PAPPA: variants seen among roughly 807,000 people sequenced by gnomAD.
PAPPA encodes pappalysin-1.
PAPPA carries 60 observed loss-of-function variants against 164.0 expected under a neutral mutation model. The observed-to-expected ratio is 0.37, with a 90% CI of 0.30 to 0.45. PAPPA has a LOEUF of 0.45. Among genes scored for constraint, PAPPA ranks in the 20% least tolerant of loss-of-function variants. PAPPA has a pLI of 1.00. For synonymous variants in PAPPA, 875 were observed against 814.1 expected (o/e 1.07, Z -1.27); for missense variants, 1,782 against 2,087.3 (o/e 0.85, Z 2.85).
chr9:116,271,239 T>C lies in PAPPA; in HGVS notation c.2862-86T>C. ...GATTTGTGCAAGGTCTCACTGAAGG[T>C]TCATGGCCCAGGGAGGGACTTTTCC... On this transcript the variant is annotated intron_variant, in intron 8 of 21. Coordinates refer to ENST00000328252, the MANE Select transcript of PAPPA (RefSeq NM_002581.5). This position sits in a 1 kb window ranked among gnomAD's most constrained non-coding sequence, Gnocchi z 4.2. 1 of 847,732 alleles carries C rather than the reference T, an allele frequency of 1.2e-6. No homozygotes were observed. Among genetic ancestry groups the C allele is most frequent in the Middle Eastern group, 2.2e-4 (1 of 4,460 alleles). The allele number at this position is 847,732 out of a possible 1,614,324, so 52.5% of individuals were successfully genotyped here.
At chr9:116,302,721 AT>A (rs1845594357) in intron 9 of PAPPA, 35 bp from the exon 10 acceptor site, 10 of 1,557,810 alleles carry the variant, frequency 6.4e-6, no homozygotes, top group Admixed American at 1.7e-5. Flanking sequence ...ACAAATATTT[AT>A]TTATTCTCTC....
At chr9:116,215,951 CAT>C (rs34840411) in intron 4 of PAPPA, among the ~76,000 whole-genome samples, 71,805 of 151,574 alleles carry the variant, frequency 0.47, 17,725 homozygotes, top group East Asian at 0.77. Flanking sequence ...TATACAAACA[CAT>C]ATATATATAC....
At chr9:116,354,427 A>G (rs1447023111) in intron 17 of PAPPA, among the ~76,000 whole-genome samples, 1 of 152,228 alleles carries the variant, frequency 6.6e-6, no homozygotes, top group Non-Finnish European at 1.5e-5. Flanking sequence ...CTCCATCTCC[A>G]TCAAAGCAAC....
chr9:116,268,285 C>A (rs1845095226), intron 8 of PAPPA, among the ~76,000 whole-genome samples: 1 of 152,160 alleles, frequency 6.6e-6, no homozygotes, highest in Non-Finnish European at 1.5e-5. Context: ...GATACAGTTT[C>A]CAATGCAGTA....
chr9:116,311,107 T>C (rs1845712628), intron 10 of PAPPA, among the ~76,000 whole-genome samples: 1 of 151,160 alleles, frequency 6.6e-6, no homozygotes, highest in Non-Finnish European at 1.5e-5. Flanking sequence ...GGCATAGAAA[T>C]TTAACCAGAG....
chr9:116,279,253 G>A (rs12376192), intron 9 of PAPPA, among the ~76,000 whole-genome samples: 11,053 of 152,200 alleles, frequency 0.073, 574 homozygotes, highest in Middle Eastern at 0.1. Context: ...GTCAAAGGGG[G>A]TCACTGAGGG....
At chr9:116,335,100 C>G (rs777491570) in intron 13 of PAPPA, 26 bp downstream of exon 13, 1 of 1,581,266 alleles carries the variant, frequency 6.3e-7, no homozygotes, top group South Asian at 1.1e-5. Context: ...CAGACTCGCC[C>G]TAGGCCACTT....
chr9:116,233,483 G>T (rs1189502265), intron 6 of PAPPA, among the ~76,000 whole-genome samples: 2 of 152,218 alleles, frequency 1.3e-5, no homozygotes, highest in African/African-American at 4.8e-5. Context: ...ACTAAAGGTT[G>T]CTTTGAGCCA....
intron 13 of PAPPA, among the ~76,000 whole-genome samples, chr9:116,339,100 C>T (rs1846100977): frequency 6.6e-6 from 1 of 152,146 alleles, no homozygotes; most frequent in Non-Finnish European, 1.5e-5. Context: ...CTTTCCTCTC[C>T]ATCAGAGGTT....
intron 8 of PAPPA, among the ~76,000 whole-genome samples, chr9:116,266,894 C>A (rs1195212534): frequency 2.6e-5 from 4 of 152,186 alleles, no homozygotes; most frequent in Non-Finnish European, 4.4e-5. Context: ...GCAAGTCACA[C>A]TATTGCTAAG....
At chr9:116,386,976 C>T (rs1028451141) in intron 21 of PAPPA, among the ~76,000 whole-genome samples, 8 of 152,108 alleles carry the variant, frequency 5.3e-5, no homozygotes. Flanking sequence ...CCTTTCATGC[C>T]TCTGCCCTTA....
intron 21 of PAPPA, among the ~76,000 whole-genome samples, chr9:116,392,353 TACTG>T (rs1168678803): frequency 6.6e-6 from 1 of 152,210 alleles, no homozygotes; most frequent in African/African-American, 2.4e-5. Context: ...CACTGACTGG[TACTG>T]AGGCCTGAGA....
At chr9:116,357,895 G>A (rs948944858) in intron 17 of PAPPA, among the ~76,000 whole-genome samples, 1 of 152,150 alleles carries the variant, frequency 6.6e-6, no homozygotes, top group Non-Finnish European at 1.5e-5. Flanking sequence ...GAGAAAGGGA[G>A]CGGTGGAATC....
At chr9:116,396,378 A>G in intron 21 of PAPPA, 131 bp from the exon 22 acceptor site, 1 of 701,288 alleles carries the variant, frequency 1.4e-6, no homozygotes, top group Non-Finnish European at 2.6e-6. Flanking sequence ...CAGGATAGCA[A>G]GAAGCAGAGC....
At chr9:116,160,315 T>C (rs1231593525) in intron 1 of PAPPA, among the ~76,000 whole-genome samples, 1 of 152,212 alleles carries the variant, frequency 6.6e-6, no homozygotes, top group Non-Finnish European at 1.5e-5. Flanking sequence ...CATTTCATTT[T>C]TTCCAGTGCC....
At chr9:116,289,385 T>TATATA (rs1385244866) in intron 9 of PAPPA, among the ~76,000 whole-genome samples, 19 of 109,750 alleles carry the variant, frequency 1.7e-4, no homozygotes, top group African/African-American at 5.4e-4. Flanking sequence ...ATATAGCATA[T>TATATA]GTATATATAG....
chr9:116,387,750 G>T (rs560990602), intron 21 of PAPPA, among the ~76,000 whole-genome samples: 2 of 152,170 alleles, frequency 1.3e-5, no homozygotes, highest in Non-Finnish European at 2.9e-5. Flanking sequence ...CACACAGTTA[G>T]CAAGTGGTAA....
chr9:116,223,803 G>A (rs909181657), intron 5 of PAPPA, among the ~76,000 whole-genome samples: 7 of 152,116 alleles, frequency 4.6e-5, no homozygotes, highest in African/African-American at 1.2e-4. Flanking sequence ...TACATTTCCC[G>A]TCCTCAGCTT....
At chr9:116,336,810 A>G (rs1452681910) in intron 13 of PAPPA, among the ~76,000 whole-genome samples, 5 of 152,160 alleles carry the variant, frequency 3.3e-5, no homozygotes, top group Admixed American at 6.5e-5. Context: ...CATCTTTAAA[A>G]TGATGATGGT....
Sources: allele counts gnomAD v4.1 joint callset (sites outside exome capture counted in the v4.1 genomes callset), GRCh38; gene constraint gnomAD v4.1.1; non-coding constraint Gnocchi (gnomAD v3.1); transcripts MANE v1.5; gene names NCBI Gene and HGNC (gene_info 2026-07-23, HGNC 2026-07-21).